The following DIAPH2 variants were observed in gnomAD, a reference collection of about 807,000 sequenced individuals.
DIAPH2 encodes protein diaphanous homolog 2.
In DIAPH2, 35 loss-of-function variants were observed where a neutral mutation model predicts 92.7. That is an observed-to-expected ratio of 0.38 (90% CI 0.29 to 0.50). DIAPH2 has a LOEUF of 0.50. Ranked by LOEUF, DIAPH2 falls within the 20% of genes least tolerant of loss-of-function variation. The pLI is 0.94. For missense variants in DIAPH2, 701 were observed against 819.5 expected (o/e 0.86, Z 1.77); for synonymous variants, 301 against 280.4 (o/e 1.07, Z -0.73).
intron 23 of DIAPH2, among the ~76,000 whole-genome samples, chrX:97,278,787 C>T (rs2068472560): frequency 8.9e-6 from 1 of 112,122 alleles, no homozygotes; most frequent in Non-Finnish European, 1.9e-5. Context: ...CAGTGTAGTA[C>T]AATACACTGT....
chrX:96,894,542 C>G (rs1446865079), intron 5 of DIAPH2, among the ~76,000 whole-genome samples: 2 of 111,138 alleles, frequency 1.8e-5, no homozygotes. Flanking sequence ...TTTATAGTGC[C>G]TTTGAGGTTC....
At chrX:96,928,933 T>A (rs2065601301) in intron 9 of DIAPH2, among the ~76,000 whole-genome samples, 1 of 111,881 alleles carries the variant, frequency 8.9e-6, no homozygotes. Flanking sequence ...TGTCTCCTGA[T>A]CTGAATACTT....
At chrX:97,435,560 A>G (rs1431771076) in intron 26 of DIAPH2, among the ~76,000 whole-genome samples, 1 of 111,503 alleles carries the variant, frequency 9.0e-6, no homozygotes, top group Non-Finnish European at 1.9e-5. Flanking sequence ...TGAAAGGTAC[A>G]TCTCATTTTT....
At chrX:97,024,477 G>A (rs2066318443) in intron 17 of DIAPH2, among the ~76,000 whole-genome samples, 1 of 111,824 alleles carries the variant, frequency 8.9e-6, no homozygotes, top group Non-Finnish European at 1.9e-5. Context: ...GTGTAGGTTA[G>A]GGAGGCAAGA....
chrX:96,828,949 A>C (rs910191783), intron 4 of DIAPH2, among the ~76,000 whole-genome samples: 5 of 111,985 alleles, frequency 4.5e-5, no homozygotes, highest in Non-Finnish European at 7.5e-5. Flanking sequence ...AGAAAAAAAA[A>C]CCCATATTAT....
intron 26 of DIAPH2, among the ~76,000 whole-genome samples, chrX:97,536,155 A>C (rs2147853731): frequency 8.9e-6 from 1 of 112,490 alleles, no homozygotes; most frequent in African/African-American, 3.2e-5. Flanking sequence ...AAGGAAATAT[A>C]ATTTTAAAAG....
intron 23 of DIAPH2, among the ~76,000 whole-genome samples, chrX:97,264,996 C>CA (rs958512327): frequency 1.8e-5 from 2 of 110,213 alleles, no homozygotes; most frequent in African/African-American, 6.6e-5. Context: ...AAAACAACAA[C>CA]AAAAAAAAGA....
At chrX:96,842,413 T>C (rs1215260130) in intron 4 of DIAPH2, among the ~76,000 whole-genome samples, 3 of 111,969 alleles carry the variant, frequency 2.7e-5, no homozygotes, top group African/African-American at 9.7e-5. Flanking sequence ...ATGCTAGGTA[T>C]GTTTCCTTTA....
intron 19 of DIAPH2, among the ~76,000 whole-genome samples, chrX:97,081,175 T>C (rs931326198): frequency 1.8e-5 from 2 of 112,315 alleles, no homozygotes; most frequent in Admixed American, 1.9e-4. Context: ...GGAATAATTA[T>C]GGCATGCTTT....
At chrX:96,865,803 C>T (rs1225258932) in intron 4 of DIAPH2, among the ~76,000 whole-genome samples, 1 of 112,270 alleles carries the variant, frequency 8.9e-6, no homozygotes, top group Non-Finnish European at 1.9e-5. Context: ...CAGTGAATGG[C>T]ACATAGTACA....
intron 24 of DIAPH2, among the ~76,000 whole-genome samples, chrX:97,378,382 C>CA (rs773830308): frequency 0.016 from 1,204 of 74,885 alleles, 19 homozygotes; most frequent in African/African-American, 0.048. Context: ...GACTCCGTCT[C>CA]AAAAAAAAAA....
intron 24 of DIAPH2, among the ~76,000 whole-genome samples, chrX:97,359,570 CTTTTTTTTTTT>C (rs1162203236): frequency 1.5e-5 from 1 of 66,702 alleles, no homozygotes; most frequent in Non-Finnish European, 2.7e-5. Context: ...CATGGATAAT[CTTTTTTTTTTT>C]TTTTTTTTTT....
At chrX:97,428,398 G>A (rs769570822) in intron 25 of DIAPH2, among the ~76,000 whole-genome samples, 2 of 109,856 alleles carry the variant, frequency 1.8e-5, no homozygotes, top group African/African-American at 3.3e-5. Flanking sequence ...GCGTGGTGGC[G>A]CACGCCTGTA....
chrX:97,347,446 A>AT (rs1164984978), intron 23 of DIAPH2, among the ~76,000 whole-genome samples: 2 of 109,662 alleles, frequency 1.8e-5, no homozygotes, highest in Non-Finnish European at 3.8e-5. Flanking sequence ...AGAGAAAAAA[A>AT]AATATATATA....
rs1392679485 is a variant in DIAPH2 at position 97,603,480 on chromosome X, G to A, written c.*4163G>A. 2 of 110,775 alleles carry A rather than the reference G, an allele frequency of 1.8e-5. No homozygotes were observed. The highest frequency in any genetic ancestry group is 6.6e-5 in the African/African-American group (2 of 30,418). 9.1% of individuals were successfully genotyped at this position (110,775 alleles called of 1,213,427 possible). On this transcript the variant is annotated 3_prime_UTR_variant, in exon 27 of 27. Coordinates refer to ENST00000324765, the MANE Select transcript of DIAPH2 (RefSeq NM_006729.5). ...TTGCTATGTTGTCCAGGCTGCTCTC[G>A]AACTCCTAGCCTCAAGCAATCCACC...
chrX:97,516,876 C>A (rs2070953024), intron 26 of DIAPH2, among the ~76,000 whole-genome samples: 1 of 112,110 alleles, frequency 8.9e-6, no homozygotes, highest in Admixed American at 9.4e-5. Flanking sequence ...CTGTATCTGG[C>A]CTGTTTTTTT....
chrX:96,757,513 G>C (rs149505349), intron 3 of DIAPH2, among the ~76,000 whole-genome samples: 1,227 of 112,299 alleles, frequency 0.011, 8 homozygotes, highest in Non-Finnish European at 0.017. Flanking sequence ...TAATCAAAGT[G>C]TTATAAGTGT....
intron 4 of DIAPH2, among the ~76,000 whole-genome samples, chrX:96,859,920 C>T (rs752816722): frequency 1.8e-5 from 2 of 111,595 alleles, no homozygotes; most frequent in Admixed American, 1.9e-4. Flanking sequence ...GGATTACAGG[C>T]GTGAGCCACC....
chrX:96,939,582 ATATG>A (rs2065686101), intron 12 of DIAPH2, among the ~76,000 whole-genome samples, 200 bp downstream of exon 12: 1 of 59,258 alleles, frequency 1.7e-5, no homozygotes. Flanking sequence ...GTGTGTGTGT[ATATG>A]TGTGTGTGTG....
Sources: gnomAD v4.1 joint callset for allele counts (sites outside exome capture counted in the v4.1 genomes callset) on GRCh38, gnomAD v4.1.1 for gene constraint, MANE v1.5 for transcripts, NCBI Gene and HGNC (gene_info 2026-07-23, HGNC 2026-07-21) for gene names.